Variants in PTPRB observed in about 807,000 individuals in gnomAD.
PTPRB encodes receptor-type tyrosine-protein phosphatase beta.
A neutral mutation model predicts 238.1 loss-of-function variants in PTPRB; 97 were observed. The observed-to-expected ratio is 0.41, with a 90% confidence interval of 0.35 to 0.48. PTPRB has a LOEUF of 0.48. Among genes scored for constraint, PTPRB ranks in the 20% least tolerant of loss-of-function variants. PTPRB has a pLI of 0.30. For missense variants in PTPRB, 2,292 were observed against 2,681.9 expected (o/e 0.85, Z 3.21); for synonymous variants, 970 against 995.4 (o/e 0.97, Z 0.48).
chr12:70,631,032 C>T (rs1323319705), intron 2 of PTPRB, among the ~76,000 whole-genome samples: 1 of 152,120 alleles, frequency 6.6e-6, no homozygotes, highest in Admixed American at 6.5e-5. Context: ...CAATGCCATT[C>T]CCATCAAGCT....
At chr12:70,567,761 C>T (rs899808409) in intron 14 of PTPRB, among the ~76,000 whole-genome samples, 1 of 152,204 alleles carries the variant, frequency 6.6e-6, no homozygotes. Flanking sequence ...CTCCATAATT[C>T]CAAAACACCT....
At chr12:70,615,113 T>C (rs1195528051) in intron 3 of PTPRB, among the ~76,000 whole-genome samples, 1 of 152,230 alleles carries the variant, frequency 6.6e-6, no homozygotes, top group Non-Finnish European at 1.5e-5. Context: ...AGTTCCATGA[T>C]TATTAGTAAT....
intron 16 of PTPRB, among the ~76,000 whole-genome samples, chr12:70,561,888 A>T (rs1878527409): frequency 6.6e-6 from 1 of 152,136 alleles, no homozygotes; most frequent in Non-Finnish European, 1.5e-5. Flanking sequence ...AGGGCCCTTG[A>T]CTGTCTTGTT....
Position 70,540,484 on chromosome 12 carries a change from C to T in PTPRB, c.5594+374G>A, listed in dbSNP as rs1198115950. ...ATGAACTACAAAATGGTGATGTCAA[C>T]CACACTTTTCAGGATATTTCAGAAA... On this transcript the variant is annotated intron_variant, in intron 23 of 33. Transcript: ENST00000334414. The T allele has an allele frequency of 2.9e-5, 6 of 206,636 alleles. No homozygotes were observed. In the South Asian group the frequency reaches 5.8e-4, roughly 20 times the overall value. The allele number at this position is 206,636 out of a possible 1,614,324, so 12.8% of individuals were successfully genotyped here. A position where few individuals can be genotyped will look rare whatever the true frequency, so the allele number is the denominator to read the frequency against.
intron 3 of PTPRB, among the ~76,000 whole-genome samples, chr12:70,619,317 A>G (rs981975386): frequency 6.7e-6 from 1 of 148,790 alleles, no homozygotes; most frequent in Non-Finnish European, 1.5e-5. Flanking sequence ...GATGATGATA[A>G]TGATAATGAT....
rs565375920 is a variant in PTPRB, at chr12:70,522,922, G to A, written c.6626-1411C>T. ...TTGTGGCCCATGCTGGAGTGCAGTG[G>A]CATGATCTTGGCTCACTGCAACCTT... On this transcript the variant is annotated intron_variant, in intron 33 of 33. Coordinates refer to ENST00000334414, the MANE Select transcript of PTPRB (RefSeq NM_001109754.4). 4.9e-5 allele frequency among the ~76,000 whole-genome samples: 7 copies of A among 144,210 alleles called. No homozygotes were observed. The East Asian group carries it at 1.3e-3, about 26-fold the overall frequency. 94.6% of individuals were successfully genotyped at this position (144,210 alleles called of 152,430 possible).
Position 70,559,439 on chromosome 12 carries a change from G to C in PTPRB, c.4618C>G (p.Leu1540Val). The C allele has an allele frequency of 1.2e-6, 2 of 1,613,974 alleles. No homozygotes were observed. Among genetic ancestry groups the C allele is most frequent in the Non-Finnish European group, 1.7e-6 (2 of 1,179,854 alleles). Reference protein sequence around the residue: ...RKSEGRIVYGLRPGRSYQFNV... With the variant: ...RKSEGRIVYGVRPGRSYQFNV... ...AATTGATAGGATCTCCCTGGACGAAGACCATACACAATGCGTCCTTCTGAT... is the reference window on the plus strand; with the variant it reads ...AATTGATAGGATCTCCCTGGACGAACACCATACACAATGCGTCCTTCTGAT... Residue 1540 changes from leucine to valine, a missense_variant, in exon 18 of 34, where the codon CTT (leucine) becomes GTT (valine). Physicochemically the swap from Leu to Val is conservative, Grantham distance 32 (BLOSUM62 1). Around this residue, in one of 4 missense-constraint regions of PTPRB, gnomAD observed 683 missense variants for 862.0 expected, o/e 0.79. Coordinates refer to ENST00000334414, the MANE Select transcript of PTPRB (RefSeq NM_001109754.4).
chr12:70,605,784 A>C (rs1214692963), intron 4 of PTPRB, among the ~76,000 whole-genome samples: 1 of 152,224 alleles, frequency 6.6e-6, no homozygotes, highest in Admixed American at 6.5e-5. Flanking sequence ...CAAACACTAC[A>C]TGAGCCAAAC....
intron 6 of PTPRB, among the ~76,000 whole-genome samples, chr12:70,593,513 C>CA (rs71437149): frequency 0.074 from 2,701 of 36,622 alleles, 213 homozygotes; most frequent in Non-Finnish European, 0.082. Context: ...AACTCTGTCT[C>CA]AAAAAAAAAA....
intron 27 of PTPRB, chr12:70,538,578 T>C (rs972863331): frequency 4.6e-6 from 2 of 431,952 alleles, no homozygotes; most frequent in African/African-American, 3.9e-5. Flanking sequence ...GAAATTTAAG[T>C]AGAAATTGCT....
In PTPRB at chr12:70,524,989, G is replaced by GTATA. The variant is rs75151257; in HGVS notation, c.6505-402_6505-399dup. Reference sequence around the variant, plus strand: ...TGTATATATGTGTGTGTGTGTGTGTGTATATATATATATAAAATATTCTGT... The same window carrying GTATA: ...TGTATATATGTGTGTGTGTGTGTGTGTATATATATATATATATAAAATATTCTGT... On this transcript the variant is annotated intron_variant, in intron 32 of 33. Transcript: ENST00000334414. Among the ~76,000 whole-genome samples, 551 of 149,514 alleles carry GTATA rather than the reference G, an allele frequency of 3.7e-3. 4 individuals are homozygous for GTATA. The highest frequency in any genetic ancestry group is 0.011 in the African/African-American group (452 of 40,516).
intron 10 of PTPRB, among the ~76,000 whole-genome samples, chr12:70,579,067 A>G (rs372568090): frequency 7.2e-5 from 11 of 152,288 alleles, no homozygotes; most frequent in African/African-American, 2.4e-4. Flanking sequence ...AATCATGAAC[A>G]CCCACATTAT....
intron 2 of PTPRB, among the ~76,000 whole-genome samples, chr12:70,627,661 G>C: frequency 6.6e-6 from 1 of 151,890 alleles, no homozygotes; most frequent in Non-Finnish European, 1.5e-5. Flanking sequence ...GGGAATGCTG[G>C]ATGCTATACC....
Position 70,534,558 on chromosome 12 carries a change from G to A in PTPRB, c.6298C>T (p.Gln2100Ter), listed in dbSNP as rs779502984. 6.2e-7 allele frequency: 1 copy of A among 1,613,268 alleles called. No homozygotes were observed. The highest frequency in any genetic ancestry group is 8.5e-7 in the Non-Finnish European group (1 of 1,179,628). Residue 2100 changes from glutamine to a stop codon, truncating the protein, a stop_gained, in exon 31 of 34, where the codon CAG (glutamine) becomes TAG (stop). Transcript: ENST00000334414. LOFTEE classifies it high-confidence loss of function. ...GVPETTQSLI[Q>*]FVRTVRDYIN... is the part of the protein sequence containing the mutation. ...TAGTCCCTGACAGTTCTCACAAACT[G>A]GATCAGAGACTGGGTGGTTTCTGGG... is the stretch of plus-strand genomic sequence containing the variant.
chr12:70,535,410 A>T (rs759717051), intron 29 of PTPRB, among the ~76,000 whole-genome samples: 42 of 151,990 alleles, frequency 2.8e-4, no homozygotes, highest in Admixed American at 5.2e-4. Context: ...GCCGTGTGCC[A>T]AGAGATCTTT....
chr12:70,544,523 A>G, intron 22 of PTPRB, 34 bp downstream of exon 22: 1 of 1,408,684 alleles, frequency 7.1e-7, no homozygotes, highest in Non-Finnish European at 1.0e-6. Context: ...GTGACATGGC[A>G]GTTGGTAGAA....
chr12:70,568,624 G>C (rs1196050020), intron 14 of PTPRB, among the ~76,000 whole-genome samples: 1 of 152,096 alleles, frequency 6.6e-6, no homozygotes, highest in Non-Finnish European at 1.5e-5. Context: ...CACAGGATTT[G>C]TCATAGGGTT....
At chr12:70,555,783 T>C in intron 19 of PTPRB, 87 bp downstream of exon 19, 1 of 1,471,952 alleles carries the variant, frequency 6.8e-7, no homozygotes. Flanking sequence ...TGCAAGTGAA[T>C]AGCAGTGATG....
rs1008239681 is a variant in PTPRB, at chr12:70,517,154, C to A, written c.*4335G>T. Reference sequence around the variant, plus strand: ...AAGGCAGTGTGTCTAAAATGCCAAACCCAGTACATTTAGTTAAATATCTGG... The same window carrying A: ...AAGGCAGTGTGTCTAAAATGCCAAAACCAGTACATTTAGTTAAATATCTGG... On this transcript the variant is annotated 3_prime_UTR_variant, in exon 34 of 34. Coordinates refer to ENST00000334414, the MANE Select transcript of PTPRB (RefSeq NM_001109754.4). 7.2e-5 allele frequency: 11 copies of A among 152,154 alleles called. No homozygotes were observed. The highest frequency in any genetic ancestry group is 2.7e-4 in the African/African-American group (11 of 41,426). The allele number at this position is 152,154 out of a possible 1,614,324, so 9.4% of individuals were successfully genotyped here.
Sources: gnomAD v4.1 joint callset for allele counts (sites outside exome capture counted in the v4.1 genomes callset) on GRCh38, gnomAD v4.1.1 for gene constraint, gnomAD v4.1.1 regional missense constraint, MANE v1.5 for transcripts, NCBI Gene and HGNC (gene_info 2026-07-23, HGNC 2026-07-21) for gene names.